The following FBXL17 variants were observed in gnomAD, a reference collection of about 807,000 sequenced individuals.
The protein encoded by FBXL17 is F-box/LRR-repeat protein 17.
In FBXL17, 22 loss-of-function variants were observed where a neutral mutation model predicts 66.2. The ratio of observed to expected loss-of-function variants is 0.33; its 90% CI spans 0.24 to 0.47. The LOEUF is 0.47. FBXL17 is among the 20% of genes least tolerant of loss of function. The pLI, the probability that FBXL17 is intolerant of heterozygous loss-of-function variation, is 1.00. For synonymous variants in FBXL17, 474 were observed against 400.5 expected, an observed-to-expected ratio of 1.18 and a Z score of -2.19; for missense variants, 878 against 948.2, an observed-to-expected ratio of 0.93 and a Z score of 0.97.
chr5:108,095,083 A>G (rs181317268), intron 6 of FBXL17, among the ~76,000 whole-genome samples: 85 of 152,214 alleles, frequency 5.6e-4, no homozygotes, highest in Middle Eastern at 3.4e-3. Context: ...CTTAAAAAGC[A>G]AATAAGCCAT....
At chr5:108,215,358 T>G (rs562456524) in intron 5 of FBXL17, among the ~76,000 whole-genome samples, 336 of 152,352 alleles carry the variant, frequency 2.2e-3, no homozygotes, top group Non-Finnish European at 3.5e-3. Flanking sequence ...TTTCTCCACT[T>G]CTTTGTCAAC....
intron 4 of FBXL17, among the ~76,000 whole-genome samples, chr5:108,288,138 A>T (rs145189575): frequency 9.2e-5 from 14 of 152,004 alleles, no homozygotes; most frequent in African/African-American, 3.1e-4. Flanking sequence ...AAGGGTGAAG[A>T]TTGAAAAACT....
At chr5:107,958,901 T>C (rs1385174748) in intron 7 of FBXL17, among the ~76,000 whole-genome samples, 4 of 152,204 alleles carry the variant, frequency 2.6e-5, no homozygotes, top group East Asian at 1.9e-4. Flanking sequence ...AAATTGTATA[T>C]AGATCACTCA....
chr5:108,233,146 A>G (rs1755442527), intron 4 of FBXL17, among the ~76,000 whole-genome samples: 1 of 151,868 alleles, frequency 6.6e-6, no homozygotes, highest in Non-Finnish European at 1.5e-5. Context: ...ATATATTCTG[A>G]ATAAACACCC....
At chr5:108,216,496 T>C (rs1221489826) in intron 5 of FBXL17, among the ~76,000 whole-genome samples, 2 of 152,198 alleles carry the variant, frequency 1.3e-5, no homozygotes, top group Non-Finnish European at 2.9e-5. Flanking sequence ...CATATAAAAT[T>C]ATAACTTTTT....
intron 7 of FBXL17, among the ~76,000 whole-genome samples, chr5:107,946,210 G>A (rs1254042886): frequency 3.0e-5 from 4 of 133,004 alleles, no homozygotes; most frequent in East Asian, 2.1e-4. Flanking sequence ...TTCTAAGCAC[G>A]ATGCCCAAAG....
chr5:107,876,538 C>T (rs541794637), intron 8 of FBXL17, among the ~76,000 whole-genome samples: 70 of 152,288 alleles, frequency 4.6e-4, no homozygotes, highest in African/African-American at 1.4e-3. Context: ...GTTTCCACCA[C>T]GACACTTTTA....
intron 7 of FBXL17, among the ~76,000 whole-genome samples, chr5:108,020,005 A>C (rs924475869): frequency 5.6e-4 from 85 of 151,998 alleles, no homozygotes; most frequent in African/African-American, 2.0e-3. Flanking sequence ...AGATGAATTT[A>C]GTAGCTAATA....
chr5:108,058,778 C>G (rs2112839770), intron 6 of FBXL17, among the ~76,000 whole-genome samples: 1 of 152,322 alleles, frequency 6.6e-6, no homozygotes, highest in South Asian at 2.1e-4. Context: ...CTTCCTAACA[C>G]TGAATTCATA....
chr5:108,262,086 A>ATTTAT (rs1554080999), intron 4 of FBXL17, among the ~76,000 whole-genome samples: 64 of 142,162 alleles, frequency 4.5e-4, no homozygotes, highest in African/African-American at 1.7e-3. Flanking sequence ...TTATTTATTT[A>ATTTAT]TTTTTTTTGA....
chr5:108,001,984 T>C (rs1753747331), intron 7 of FBXL17, among the ~76,000 whole-genome samples: 1 of 152,064 alleles, frequency 6.6e-6, no homozygotes, highest in Non-Finnish European at 1.5e-5. Flanking sequence ...CAAGTGAGTA[T>C]TTTCAAATGA....
At chr5:108,321,429 T>C (rs1166982905) in intron 4 of FBXL17, among the ~76,000 whole-genome samples, 2 of 151,698 alleles carry the variant, frequency 1.3e-5, no homozygotes, top group African/African-American at 2.4e-5. Flanking sequence ...TATGAAAAAA[T>C]GGCCAGAAGA....
At chr5:108,355,916 A>G (rs1354900403) in intron 3 of FBXL17, among the ~76,000 whole-genome samples, 2 of 152,342 alleles carry the variant, frequency 1.3e-5, no homozygotes, top group East Asian at 3.9e-4. Flanking sequence ...CAGTGGTCTA[A>G]AAACACCAAC....
chr5:108,199,865 G>A (rs921567435), intron 5 of FBXL17, among the ~76,000 whole-genome samples: 10 of 152,104 alleles, frequency 6.6e-5, no homozygotes, highest in Admixed American at 3.9e-4. Context: ...TAAGGGAATT[G>A]GTTATTTTGG....
intron 5 of FBXL17, among the ~76,000 whole-genome samples, chr5:108,223,298 G>T (rs2150075128): frequency 6.6e-6 from 1 of 152,126 alleles, no homozygotes; most frequent in East Asian, 1.9e-4. Flanking sequence ...GATCTTACCT[G>T]GTTTTTTTCA....
intron 6 of FBXL17, among the ~76,000 whole-genome samples, chr5:108,167,027 T>G (rs1445770106): frequency 3.3e-5 from 5 of 152,224 alleles, no homozygotes; most frequent in Non-Finnish European, 7.3e-5. Context: ...TAAGAGATCT[T>G]ATTTTATGGC....
At chr5:108,298,447 T>G (rs1162543444) in intron 4 of FBXL17, 1 of 972,076 alleles carries the variant, frequency 1.0e-6, no homozygotes, top group Non-Finnish European at 1.2e-6. Context: ...TAAACAAAAC[T>G]TCAGTAGGCT....
chr5:108,377,509 A>G (rs1253157392), intron 1 of FBXL17, among the ~76,000 whole-genome samples: 1 of 152,262 alleles, frequency 6.6e-6, no homozygotes, highest in East Asian at 1.9e-4. Flanking sequence ...ATTCTTGCCA[A>G]AAGTGCTGGG....
chr5:107,886,915 CA>C (rs33943440), intron 7 of FBXL17, among the ~76,000 whole-genome samples: 227 of 129,508 alleles, frequency 1.8e-3, no homozygotes, highest in Non-Finnish European at 2.3e-3. Context: ...TAATGAAATA[CA>C]AAAAAAAAAA....
Sources: allele counts gnomAD v4.1 joint callset (sites outside exome capture counted in the v4.1 genomes callset), GRCh38; gene constraint gnomAD v4.1.1; transcripts MANE v1.5; gene names NCBI Gene and HGNC (gene_info 2026-07-23, HGNC 2026-07-21).